The following SARNP variants were observed in gnomAD, a reference collection of about 807,000 sequenced individuals.
SARNP encodes the protein SAP domain-containing ribonucleoprotein.
In SARNP, 5 loss-of-function variants were observed where a neutral mutation model predicts 38.1. The ratio of observed to expected loss-of-function variants is 0.13; its 90% CI spans 0.07 to 0.28. SARNP has a LOEUF of 0.28. Among genes scored for constraint, SARNP ranks in the 10% least tolerant of loss-of-function variants. The pLI is 1.00. For missense variants in SARNP, 180 were observed against 243.9 expected, an observed-to-expected ratio of 0.74 and a Z score of 1.75; for synonymous variants, 84 against 80.6, an observed-to-expected ratio of 1.04 and a Z score of -0.23.
chr12:55,816,129 C>T (rs1187568586), intron 1 of SARNP, among the ~76,000 whole-genome samples: 1 of 152,182 alleles, frequency 6.6e-6, no homozygotes, highest in Non-Finnish European at 1.5e-5. Context: ...GAAGGAGGAA[C>T]TCCATAAACC....
chr12:55,775,455 G>T (rs1399793706), intron 9 of SARNP, among the ~76,000 whole-genome samples: 1 of 144,054 alleles, frequency 6.9e-6, no homozygotes, highest in Admixed American at 7.1e-5. Context: ...CAGCTACTCA[G>T]GAGGCTGAGG....
chr12:55,770,845 T>A (rs1357896265), intron 9 of SARNP, among the ~76,000 whole-genome samples: 1 of 152,138 alleles, frequency 6.6e-6, no homozygotes, highest in Non-Finnish European at 1.5e-5. Context: ...CTTGCTTGTG[T>A]GCCATGGCTG....
intron 1 of SARNP, among the ~76,000 whole-genome samples, chr12:55,813,085 A>G (rs1030996448): frequency 6.6e-6 from 1 of 152,052 alleles, no homozygotes; most frequent in Non-Finnish European, 1.5e-5. Flanking sequence ...AGCTGGGATT[A>G]CAAGTGCGCG....
chr12:55,794,395 A>G lies in SARNP; in HGVS notation c.378-8T>C, dbSNP rs976067694. ...ACTGAAGAAATCCCAAACCTGAAGA[A>G]GGAAAAACAAACTAAATTTTAGGAA... On this transcript the variant is annotated splice_region_variant and splice_polypyrimidine_tract_variant and intron_variant, in intron 6 of 10. Transcript: ENST00000336133. The G allele has an allele frequency of 1.9e-6, 3 of 1,606,682 alleles. No homozygotes were observed. Among genetic ancestry groups the G allele is most frequent in the Non-Finnish European group, 2.5e-6 (3 of 1,178,198 alleles).
chr12:55,805,901 G>A (rs565649866), intron 1 of SARNP, among the ~76,000 whole-genome samples: 131 of 151,990 alleles, frequency 8.6e-4, no homozygotes, highest in Non-Finnish European at 1.6e-3. Flanking sequence ...GCCAGGCATG[G>A]TGGCACATGC....
At chr12:55,785,050 T>G (rs1448349208) in intron 9 of SARNP, among the ~76,000 whole-genome samples, 1 of 152,222 alleles carries the variant, frequency 6.6e-6, no homozygotes, top group East Asian at 1.9e-4. Context: ...TTGAAAATGT[T>G]AAGAAACTTT....
Position 55,787,060 on chromosome 12 carries a change from C to T in SARNP, c.501+2015G>A, listed in dbSNP as rs1017247553. ...GCTGGGCAACACAGAGAGACCTCAT[C>T]TCTAAAAAAAAAAATTCAAAAACTG... On this transcript the variant is annotated intron_variant, in intron 9 of 10. Coordinates refer to ENST00000336133, the MANE Select transcript of SARNP (RefSeq NM_033082.4). Among the ~76,000 whole-genome samples, 3 of 151,282 alleles carry T rather than the reference C, an allele frequency of 2.0e-5. No individual in the cohort carries two copies. In the South Asian group the frequency reaches 6.3e-4, roughly 32 times the overall value.
At chr12:55,813,418 C>T (rs117760494) in intron 1 of SARNP, among the ~76,000 whole-genome samples, 2,384 of 152,070 alleles carry the variant, frequency 0.016, 25 homozygotes, top group Non-Finnish European at 0.026. Context: ...GAAGGGCAGC[C>T]GGAGTACTAC....
intron 9 of SARNP, among the ~76,000 whole-genome samples, chr12:55,766,878 GCCTAGTCTCTGCCT>G (rs113414518): frequency 0.86 from 129,915 of 151,876 alleles, 56,162 homozygotes; most frequent in African/African-American, 0.97. Flanking sequence ...CGCCTCTGCC[GCCTAGTCTCTGCCT>G]CCTAGTCTCT....
At chr12:55,758,905 CT>C (rs1161845803) in intron 10 of SARNP, among the ~76,000 whole-genome samples, 4,734 of 136,628 alleles carry the variant, frequency 0.035, 84 homozygotes, top group African/African-American at 0.066. Flanking sequence ...GCCTAATATA[CT>C]TTTTTTTTTT....
chr12:55,799,613 C>G (rs2136200386), intron 4 of SARNP, among the ~76,000 whole-genome samples: 1 of 132,250 alleles, frequency 7.6e-6, no homozygotes, highest in South Asian at 2.4e-4. Flanking sequence ...GAGTGCAGTG[C>G]CACAGTCTCG....
intron 9 of SARNP, among the ~76,000 whole-genome samples, chr12:55,775,555 C>CAAAAAAA (rs56311724): frequency 1.4e-3 from 170 of 120,862 alleles, no homozygotes; most frequent in African/African-American, 4.9e-3. Flanking sequence ...AAAACAAAAA[C>CAAAAAAA]AAAAAAAAAA....
Position 55,757,539 on chromosome 12 carries a change from T to C in SARNP, c.606A>G (p.Lys202=). 1 of 1,609,508 alleles carries C rather than the reference T, an allele frequency of 6.2e-7. No homozygotes were observed. The highest frequency in any genetic ancestry group is 1.1e-5 in the South Asian group (1 of 90,136). ...TTEDTEAKKR[K]RAERFGIA ...AGGCAATCCCAAAGCGCTCTGCTCT[T>C]TTCCTCTTCTTTGCCTGTAAAGAAG... The change falls in exon 11 of 11, where the codon AAA becomes AAG. Residue 202 remains lysine (K), a synonymous_variant. Coordinates refer to ENST00000336133, the MANE Select transcript of SARNP (RefSeq NM_033082.4).
chr12:55,753,182 T>C (rs1473116260), downstream of SARNP: 1 of 152,096 alleles, frequency 6.6e-6, no homozygotes, highest in African/African-American at 2.4e-5. Context: ...GATCTAAAGG[T>C]TCTCTTGAGA....
chr12:55,769,239 C>G (rs1224097200), intron 9 of SARNP, among the ~76,000 whole-genome samples: 2 of 152,132 alleles, frequency 1.3e-5, no homozygotes, highest in African/African-American at 4.8e-5. Flanking sequence ...CAGGTTCAAT[C>G]AACATTTTCA....
At chr12:55,783,646 G>A (rs1021006415) in intron 9 of SARNP, among the ~76,000 whole-genome samples, 8 of 152,296 alleles carry the variant, frequency 5.3e-5, no homozygotes, top group Non-Finnish European at 1.2e-4. Flanking sequence ...CCTGATATGT[G>A]TATAGCATAC....
chr12:55,766,616 CGGGGGG>C lies in SARNP; in HGVS notation c.502-5982_502-5977del, dbSNP rs58583137. On this transcript the variant is annotated intron_variant, in intron 9 of 10. Coordinates refer to ENST00000336133, the MANE Select transcript of SARNP (RefSeq NM_033082.4). ...CTATATATTTTGTGGGTTTTTTTGG[CGGGGGG>C]GGGGGGGGGGTTGTTTTTTTGAGAC... Among the ~76,000 whole-genome samples, 21 of 38,108 alleles carry C rather than the reference CGGGGGG, an allele frequency of 5.5e-4. 2 individuals carry two copies. The highest frequency in any genetic ancestry group is 1.9e-3 in the African/African-American group (17 of 9,050). 25.0% of individuals were successfully genotyped at this position (38,108 alleles called of 152,430 possible).
At chr12:55,795,848 C>T (rs192553583) in intron 5 of SARNP, among the ~76,000 whole-genome samples, 177 bp downstream of exon 5, 8 of 152,254 alleles carry the variant, frequency 5.3e-5, no homozygotes, top group African/African-American at 1.9e-4. Context: ...AATGACTACC[C>T]CTACGCCAGC....
chr12:55,773,986 G>C (rs1265007844), intron 9 of SARNP, among the ~76,000 whole-genome samples: 1 of 152,022 alleles, frequency 6.6e-6, no homozygotes, highest in African/African-American at 2.4e-5. Context: ...AGGATTACAG[G>C]CATGAGCCAA....
Sources: gnomAD v4.1 joint callset for allele counts (sites outside exome capture counted in the v4.1 genomes callset) on GRCh38, gnomAD v4.1.1 for gene constraint, MANE v1.5 for transcripts, NCBI Gene and HGNC (gene_info 2026-07-23, HGNC 2026-07-21) for gene names.